The following TBC1D30 variants were observed in gnomAD, a reference collection of about 807,000 sequenced individuals.
TBC1D30 encodes the protein TBC1 domain family member 30.
TBC1D30 carries 31 observed loss-of-function variants against 63.2 expected under a neutral mutation model. That is an observed-to-expected ratio of 0.49 (90% confidence interval 0.37 to 0.66). The LOEUF (loss-of-function observed/expected upper bound fraction) is 0.66, where lower values mean the gene tolerates loss of function less well. Among genes scored for constraint, TBC1D30 ranks in the 30% least tolerant of loss-of-function variants. The pLI, the probability that TBC1D30 is intolerant of heterozygous loss-of-function variation, is 0.00. For synonymous variants in TBC1D30, 307 were observed against 361.5 expected (o/e 0.85, Z 1.71); for missense variants, 810 against 953.6 (o/e 0.85, Z 1.98).
In TBC1D30 at chr12:64,875,091, C is replaced by T; in HGVS notation, c.1589C>T (p.Thr530Ile). The T allele has an allele frequency of 6.5e-7, 1 of 1,536,500 alleles. No individual in the cohort carries two copies. Among genetic ancestry groups the T allele is most frequent in the Non-Finnish European group, 8.7e-7 (1 of 1,146,958 alleles). ...CTTTTAGGAAAGAAGATGAAAATGA[C>T]TAACAGAGCTGCCAAGAATGCTGTC... ...HLLLGKKMKM[T>I]NRAAKNAVIH... is the part of the protein sequence containing the mutation. Residue 530 changes from threonine (T) to isoleucine (I), a missense_variant, in exon 12 of 12, where the codon ACT becomes ATT. Coordinates refer to ENST00000539867, the MANE Select transcript of TBC1D30 (RefSeq NM_015279.2).
chr12:64,799,250 A>G (rs932748846), intron 2 of TBC1D30, among the ~76,000 whole-genome samples: 11 of 152,110 alleles, frequency 7.2e-5, no homozygotes, highest in Non-Finnish European at 1.5e-4. Context: ...GCCACTTACT[A>G]GTTCTACAGT....
chr12:64,783,005 G>T (rs1871369974), intron 1 of TBC1D30, among the ~76,000 whole-genome samples: 1 of 152,172 alleles, frequency 6.6e-6, no homozygotes, highest in Non-Finnish European at 1.5e-5. Context: ...TCTGCGTAAA[G>T]AATGCTGCTT....
At chr12:64,802,208 G>A (rs1218648922) in intron 2 of TBC1D30, among the ~76,000 whole-genome samples, 3 of 152,150 alleles carry the variant, frequency 2.0e-5, no homozygotes, top group South Asian at 2.1e-4. Flanking sequence ...GGATATGCCA[G>A]GACATGGTCA....
chr12:64,809,708 G>A (rs1873096761), intron 2 of TBC1D30, among the ~76,000 whole-genome samples: 1 of 152,070 alleles, frequency 6.6e-6, no homozygotes, highest in African/African-American at 2.4e-5. Context: ...ATCTTGATTT[G>A]TTTTTCTTAA....
intron 2 of TBC1D30, among the ~76,000 whole-genome samples, chr12:64,806,561 C>T (rs1872883747): frequency 3.3e-5 from 5 of 152,088 alleles, no homozygotes; most frequent in Admixed American, 3.3e-4. Flanking sequence ...CATTGAAACC[C>T]TTGTGCACGG....
intron 7 of TBC1D30, among the ~76,000 whole-genome samples, chr12:64,840,859 A>G (rs990879121): frequency 6.6e-6 from 1 of 152,230 alleles, no homozygotes; most frequent in African/African-American, 2.4e-5. Flanking sequence ...TTATAATTCT[A>G]TATGTTTTGA....
chr12:64,789,565 C>T (rs1388287177), intron 2 of TBC1D30, among the ~76,000 whole-genome samples: 5 of 152,018 alleles, frequency 3.3e-5, no homozygotes, highest in Non-Finnish European at 7.4e-5. Flanking sequence ...TGTTAATACA[C>T]AAAAGGGAAT....
Position 64,785,706 on chromosome 12 carries a change from T to G in TBC1D30, c.479-175T>G, listed in dbSNP as rs148959749. Reference sequence around the variant, plus strand: ...CTGTCTCATGGACAGGGCAGATAAATGAGTGACTTATTTGATCGGAATGTC... The same window carrying G: ...CTGTCTCATGGACAGGGCAGATAAAGGAGTGACTTATTTGATCGGAATGTC... On this transcript the variant is annotated intron_variant, in intron 1 of 12. Transcript: ENST00000542120. Among the ~76,000 whole-genome samples, 449 of 152,308 alleles carry G rather than the reference T, an allele frequency of 2.9e-3. 1 individual carries two copies. Among genetic ancestry groups the G allele is most frequent in the Non-Finnish European group, 4.6e-3 (315 of 68,028 alleles).
intron 2 of TBC1D30, among the ~76,000 whole-genome samples, chr12:64,818,060 C>CAAA (rs60136357): frequency 2.2e-5 from 3 of 137,108 alleles, no homozygotes; most frequent in African/African-American, 8.3e-5. Flanking sequence ...GAGACTCTAC[C>CAAA]AAAAAAAAAA....
intron 8 of TBC1D30, among the ~76,000 whole-genome samples, chr12:64,843,914 C>T (rs1204677668): frequency 6.6e-6 from 1 of 152,150 alleles, no homozygotes; most frequent in East Asian, 1.9e-4. Context: ...ACCTCAGGCT[C>T]CTGAGTAACT....
At position 64,879,553 on chromosome 12, in the gene TBC1D30, G is replaced by T. The variant is rs1383387646; in HGVS notation, c.*3765G>T. The stretch of plus-strand genomic sequence containing the variant: ...CCTGCTTCTCTACATCCTGGAAGAG[G>T]CAGCAGTCTCTTTCCTTTTTTTTCC... On this transcript the variant is annotated 3_prime_UTR_variant, in exon 12 of 12. Transcript: ENST00000539867. The T allele has an allele frequency of 6.6e-6, 1 of 152,182 alleles. No individual in the cohort carries two copies. Among genetic ancestry groups the T allele is most frequent in the Admixed American group, 6.5e-5 (1 of 15,282 alleles). The allele number at this position is 152,182 out of a possible 1,614,324, so 9.4% of individuals were successfully genotyped here.
In TBC1D30 at chr12:64,866,897, A is replaced by G; in HGVS notation, c.1285A>G (p.Ile429Val). 1.3e-6 allele frequency: 2 copies of G among 1,536,106 alleles called. No homozygotes were observed. The highest frequency in any genetic ancestry group is 1.7e-6 in the Non-Finnish European group (2 of 1,146,904). The stretch of plus-strand genomic sequence containing the variant: ...TGAACTGCAGAAGTACCAAAAACAA[A>G]TTAAAGGTAAAGAGGTGGCTCTTGA... ...APELQKYQKQ[I>V]KEPNEEQSLR... The change falls in exon 10 of 12, where the codon ATT (isoleucine) becomes GTT (valine). Residue 429 changes from isoleucine (I) to valine (V), a missense_variant. Physicochemically the swap from Ile to Val is conservative, Grantham distance 29. Coordinates refer to ENST00000539867, the MANE Select transcript of TBC1D30 (RefSeq NM_015279.2).
At chr12:64,809,475 T>G (rs2136327711) in intron 2 of TBC1D30, among the ~76,000 whole-genome samples, 1 of 152,356 alleles carries the variant, frequency 6.6e-6, no homozygotes, top group Non-Finnish European at 1.5e-5. Context: ...AATGTTACTT[T>G]TGTTTATCTA....
chr12:64,787,684 A>G (rs114127463), intron 2 of TBC1D30, among the ~76,000 whole-genome samples: 4,876 of 152,246 alleles, frequency 0.032, 255 homozygotes, highest in African/African-American at 0.11. Flanking sequence ...GCTGTTTGTT[A>G]TCCCTAAAGT....
At chr12:64,867,027 T>C in intron 10 of TBC1D30, 124 bp downstream of exon 10, 2 of 1,116,306 alleles carry the variant, frequency 1.8e-6, no homozygotes, top group Non-Finnish European at 2.5e-6. Context: ...AAAGTCTTTA[T>C]TAGGCTAGTC....
At chr12:64,839,643 G>T (rs1359862253) in intron 7 of TBC1D30, among the ~76,000 whole-genome samples, 1 of 152,132 alleles carries the variant, frequency 6.6e-6, no homozygotes, top group Non-Finnish European at 1.5e-5. Flanking sequence ...CTTTTAACTA[G>T]CCTTTGTATT....
rs749597502 is a variant in TBC1D30 at position 64,875,755 on chromosome 12, C to T, written c.2253C>T (p.Pro751=). The change falls in exon 12 of 12, where the codon CCC becomes CCT. Residue 751 remains proline (P), a synonymous_variant. Coordinates refer to ENST00000539867, the MANE Select transcript of TBC1D30 (RefSeq NM_015279.2). ...FPQMSRSFSK[P]GGGNSGTKKR is the part of the protein sequence containing the mutation. The stretch of plus-strand genomic sequence containing the variant: ...AAATGAGTAGGAGCTTCAGCAAACC[C>T]GGCGGTGGAAACAGTGGCACTAAAA... 1.6e-5 allele frequency: 24 copies of T among 1,533,222 alleles called. No individual in the cohort carries two copies. Among genetic ancestry groups the T allele is most frequent in the Middle Eastern group, 1.7e-4 (1 of 5,972 alleles). 95.0% of individuals were successfully genotyped at this position (1,533,222 alleles called of 1,614,324 possible). A position where few individuals can be genotyped will look rare whatever the true frequency, so the allele number is the denominator to read the frequency against.
chr12:64,789,033 G>A (rs977235057), intron 2 of TBC1D30, among the ~76,000 whole-genome samples: 2 of 152,080 alleles, frequency 1.3e-5, no homozygotes, highest in African/African-American at 2.4e-5. Flanking sequence ...TAAAAAAACT[G>A]AGATTTCACT....
At position 64,876,981 on chromosome 12, in the gene TBC1D30, G is replaced by C. The variant is rs1879134686; in HGVS notation, c.*1193G>C. ...AAGTGACTTAGCCACATTTCCTTCA[G>C]TGCAATAGGTGGGTTTAATGCTCTT... On this transcript the variant is annotated 3_prime_UTR_variant, in exon 12 of 12. Transcript: ENST00000539867. 17 of 451,896 alleles carry C rather than the reference G, an allele frequency of 3.8e-5. No individual in the cohort carries two copies. The highest frequency in any genetic ancestry group is 2.7e-4 in the South Asian group (17 of 63,918). 28.0% of individuals were successfully genotyped at this position (451,896 alleles called of 1,614,324 possible).
Sources: allele counts gnomAD v4.1 joint callset (sites outside exome capture counted in the v4.1 genomes callset), GRCh38; gene constraint gnomAD v4.1.1; transcripts MANE v1.5; gene names NCBI Gene and HGNC (gene_info 2026-07-23, HGNC 2026-07-21).